Variants in MYOM1 observed in about 807,000 individuals in gnomAD.
MYOM1 encodes myomesin-1.
Under a neutral mutation model 205.3 loss-of-function variants are expected in MYOM1, and 164 were observed. That is an observed-to-expected ratio of 0.80 (90% CI 0.70 to 0.91). MYOM1 has a LOEUF of 0.91. Among genes scored for constraint, MYOM1 ranks in the 40% least tolerant of loss-of-function variants. MYOM1 has a pLI of 0.00. For synonymous variants in MYOM1, 772 were observed against 789.4 expected, an observed-to-expected ratio of 0.98 and a Z score of 0.37; for missense variants, 2,011 against 2,127.3, an observed-to-expected ratio of 0.95 and a Z score of 1.08.
At chr18:3,087,214 A>C (rs568963783) in intron 29 of MYOM1, among the ~76,000 whole-genome samples, 1 of 152,272 alleles carries the variant, frequency 6.6e-6, no homozygotes, top group Non-Finnish European at 1.5e-5. Flanking sequence ...TGCTGAGTAC[A>C]TTGCTCATGA....
intron 18 of MYOM1, among the ~76,000 whole-genome samples, chr18:3,127,694 T>A (rs1171962071): frequency 6.6e-6 from 1 of 152,150 alleles, no homozygotes; most frequent in Non-Finnish European, 1.5e-5. Flanking sequence ...TACACAACTC[T>A]GTCTGCACAC....
rs2081162695 is a variant in MYOM1, at chr18:3,209,184, A to G, written c.290+5750T>C. 6.6e-6 allele frequency among the ~76,000 whole-genome samples: 1 copy of G among 152,192 alleles called. No homozygotes were observed. The highest frequency in any genetic ancestry group is 2.4e-5 in the African/African-American group (1 of 41,446). On this transcript the variant is annotated intron_variant, in intron 2 of 37. Coordinates refer to ENST00000356443, the MANE Select transcript of MYOM1 (RefSeq NM_003803.4). This position sits in a 1 kb window ranked among gnomAD's most constrained non-coding sequence, Gnocchi z 4.0. ...TGGTTTTACTATCATCATACCACCT[A>G]AAGAGAGTCTCAGAAGATTCATTGT...
intron 10 of MYOM1, among the ~76,000 whole-genome samples, chr18:3,155,404 T>G (rs975383808): frequency 2.6e-5 from 4 of 152,154 alleles, no homozygotes; most frequent in Non-Finnish European, 5.9e-5. Flanking sequence ...TTTTGTATTT[T>G]TGGTAGAGAT....
chr18:3,110,935 T>C (rs1027094979), intron 22 of MYOM1, among the ~76,000 whole-genome samples: 1 of 149,236 alleles, frequency 6.7e-6, no homozygotes, highest in South Asian at 2.2e-4. Flanking sequence ...CAAATACAAG[T>C]GCAGTTTTCT....
rs183590288 is a variant in MYOM1, at chr18:3,191,803, T to C, written c.431+2015A>G. ...CTCTGCCTCCCAGGTTTAAGCGATT[T>C]TCCTGCCTCAGCCTCCCGAGTAGCT... On this transcript the variant is annotated intron_variant, in intron 3 of 37. Transcript: ENST00000356443. Among the ~76,000 whole-genome samples the C allele has an allele frequency of 2.0e-3, 301 of 151,982 alleles. 1 individual carries two copies. The highest frequency in any genetic ancestry group is 6.9e-3 in the African/African-American group (288 of 41,466).
chr18:3,105,438 TTAAAG>T (rs1160709833), intron 22 of MYOM1, among the ~76,000 whole-genome samples: 4 of 152,216 alleles, frequency 2.6e-5, no homozygotes, highest in Non-Finnish European at 5.9e-5. Flanking sequence ...AAATGAAATT[TTAAAG>T]TATTAATGCT....
At chr18:3,075,672 C>A in intron 35 of MYOM1, 53 bp downstream of exon 35, 2 of 1,574,586 alleles carry the variant, frequency 1.3e-6, no homozygotes, top group Non-Finnish European at 1.7e-6. Context: ...AGCATGCAAG[C>A]TTCCCGGGAA....
intron 13 of MYOM1, among the ~76,000 whole-genome samples, chr18:3,146,168 TA>T (rs2080119546): frequency 6.6e-6 from 1 of 151,994 alleles, no homozygotes; most frequent in Non-Finnish European, 1.5e-5. Flanking sequence ...GCTCTGCTGG[TA>T]AATTATACTG....
intron 1 of MYOM1, among the ~76,000 whole-genome samples, chr18:3,216,169 G>A (rs1168989382): frequency 3.3e-5 from 5 of 152,230 alleles, no homozygotes; most frequent in Non-Finnish European, 5.9e-5. Flanking sequence ...TCCGGTGGCT[G>A]AGGCAGGAGA....
rs139137993 is a variant in MYOM1 at position 3,134,738 on chromosome 18, T to C, written c.2296A>G (p.Lys766Glu). ...TCTATGTAGTACCCGACCAGCTCTTTGGCATCTTTGGACTCCTCCCACGAA... is the reference window on the plus strand; with the variant it reads ...TCTATGTAGTACCCGACCAGCTCTTCGGCATCTTTGGACTCCTCCCACGAA... ...VVSWEESKDA[K>E]ELVGYYIEAS... is the part of the protein sequence containing the mutation. Residue 766 changes from lysine to glutamate, a missense_variant, in exon 16 of 38, where the codon AAA becomes GAA. Physicochemically the swap from Lys to Glu is moderately conservative, Grantham distance 56. Coordinates refer to ENST00000356443, the MANE Select transcript of MYOM1 (RefSeq NM_003803.4). The C allele has an allele frequency of 6.2e-7, 1 of 1,614,004 alleles. No homozygotes were observed. The highest frequency in any genetic ancestry group is 1.1e-5 in the South Asian group (1 of 91,082).
chr18:3,198,350 G>T (rs531521936), intron 2 of MYOM1, among the ~76,000 whole-genome samples: 7 of 152,326 alleles, frequency 4.6e-5, no homozygotes, highest in African/African-American at 1.4e-4. Context: ...TGTGTTCAGG[G>T]TTAGGCTGCA....
rs1393320836 is a variant in MYOM1 at position 3,067,397 on chromosome 18, C to T, written c.4923G>A (p.Ser1641=). Residue 1641 remains serine (S), a synonymous_variant, in exon 38 of 38, where the codon TCG becomes TCA. Coordinates refer to ENST00000356443, the MANE Select transcript of MYOM1 (RefSeq NM_003803.4). ...TCTTCACAACCAGCCCGTATTTGCC[C>T]GAGTCAGCGGTGCTCACGCCGTTGA... The part of the protein sequence containing the change: ...FTINGVSTAD[S]GKYGLVVKNK... 5.0e-6 allele frequency: 8 copies of T among 1,613,366 alleles called. No homozygotes were observed. Among genetic ancestry groups the T allele is most frequent in the Middle Eastern group, 1.8e-4 (1 of 5,506 alleles).
intron 2 of MYOM1, among the ~76,000 whole-genome samples, chr18:3,208,771 T>C (rs2081157043): frequency 6.6e-6 from 1 of 152,142 alleles, no homozygotes; most frequent in Non-Finnish European, 1.5e-5. Context: ...TAAAATCGTT[T>C]CTAAAGGAAA....
chr18:3,083,872 T>C lies in MYOM1; in HGVS notation c.4401A>G (p.Lys1467=), dbSNP rs750104717. The change falls in exon 33 of 38, where the codon AAA becomes AAG. Residue 1467 remains lysine (K), a synonymous_variant. Transcript: ENST00000356443. Reference sequence around the variant, plus strand: ...GGATGCCCTCGGCTGTGCTCTGGATTTTCAGGTCTGTAGCAGACAAAGCTG... The same window carrying C: ...GGATGCCCTCGGCTGTGCTCTGGATCTTCAGGTCTGTAGCAGACAAAGCTG... ...KKIALSATDL[K]IQSTAEGIQL... 1.3e-5 allele frequency: 20 copies of C among 1,582,676 alleles called. No homozygotes were observed. Among genetic ancestry groups the C allele is most frequent in the Non-Finnish European group, 1.6e-5 (19 of 1,162,980 alleles).
chr18:3,140,817 G>A (rs1427807584), intron 14 of MYOM1, among the ~76,000 whole-genome samples: 4 of 152,104 alleles, frequency 2.6e-5, no homozygotes, highest in South Asian at 2.1e-4. Flanking sequence ...AAAATTCTAC[G>A]ATTTTGCTAT....
In MYOM1 at chr18:3,079,271, T is replaced by C; in HGVS notation, c.4556A>G (p.Asn1519Ser). Residue 1519 changes from asparagine (N) to serine (S), a missense_variant, in exon 34 of 38, where the codon AAC becomes AGC. Transcript: ENST00000356443. ...VTGEQIWLQI[N>S]EPTPNDKGKY... ...CCCTTTGTCATTCGGGGTGGGCTCG[T>C]TGATTTGTAGCCAGATCTGCTCTCC... 6.2e-7 allele frequency: 1 copy of C among 1,613,994 alleles called. No homozygotes were observed. The highest frequency in any genetic ancestry group is 1.3e-5 in the African/African-American group (1 of 75,048).
At chr18:3,101,791 G>T (rs2079379653) in intron 23 of MYOM1, among the ~76,000 whole-genome samples, 1 of 152,014 alleles carries the variant, frequency 6.6e-6, no homozygotes. Flanking sequence ...TAGCATAAAT[G>T]AGATAATAAA....
chr18:3,100,661 A>C (rs1460078253), intron 23 of MYOM1, among the ~76,000 whole-genome samples: 1 of 152,178 alleles, frequency 6.6e-6, no homozygotes, highest in East Asian at 1.9e-4. Flanking sequence ...GAACTGGCAC[A>C]AATTCCACAT....
intron 10 of MYOM1, 136 bp from the exon 11 acceptor site, chr18:3,155,224 T>C: frequency 2.1e-6 from 2 of 930,992 alleles, no homozygotes; most frequent in Non-Finnish European, 3.0e-6. Flanking sequence ...GCATCAAATC[T>C]TGCTATTTTT....
Sources: allele counts gnomAD v4.1 joint callset (sites outside exome capture counted in the v4.1 genomes callset), GRCh38; gene constraint gnomAD v4.1.1; non-coding constraint Gnocchi (gnomAD v3.1); transcripts MANE v1.5; gene names NCBI Gene and HGNC (gene_info 2026-07-23, HGNC 2026-07-21).